LAMA3: variants seen among roughly 807,000 people sequenced by gnomAD.
LAMA3 encodes laminin subunit alpha 3, also known as laminin subunit alpha-3.
In LAMA3, 281 loss-of-function variants were observed where a neutral mutation model predicts 402.0. That is an observed-to-expected ratio of 0.70 (90% CI 0.63 to 0.77). The LOEUF is 0.77. LAMA3 is among the 30% of genes least tolerant of loss of function. The pLI, the probability that LAMA3 is intolerant of heterozygous loss-of-function variation, is 0.00. For synonymous variants in LAMA3, 1,431 were observed against 1,558.4 expected (o/e 0.92, Z 1.93); for missense variants, 3,840 against 4,215.5 (o/e 0.91, Z 2.47).
At chr18:23,837,209 G>T in intron 25 of LAMA3, 120 bp downstream of exon 25, 1 of 719,644 alleles carries the variant, frequency 1.4e-6, no homozygotes. Context: ...AGAATTGCCA[G>T]TTTAATGTTT....
At chr18:23,912,331 T>C (rs2081460409) in intron 55 of LAMA3, among the ~76,000 whole-genome samples, 1 of 151,886 alleles carries the variant, frequency 6.6e-6, no homozygotes, top group Non-Finnish European at 1.5e-5. Context: ...ACATGTCTGA[T>C]TGTATGCCAG....
intron 1 of LAMA3, among the ~76,000 whole-genome samples, chr18:23,700,398 G>A (rs997679272): frequency 6.6e-6 from 1 of 152,112 alleles, no homozygotes; most frequent in African/African-American, 2.4e-5. Context: ...GAAAAATTGG[G>A]CTTTAAGACT....
At chr18:23,924,543 C>CTT (rs66546657) in intron 62 of LAMA3, among the ~76,000 whole-genome samples, 9 of 89,092 alleles carry the variant, frequency 1.0e-4, no homozygotes, top group African/African-American at 2.1e-4. Context: ...CTTTTTTTTT[C>CTT]TTTTTTTTTT....
intron 8 of LAMA3, among the ~76,000 whole-genome samples, chr18:23,766,288 T>G (rs1309858904): frequency 6.6e-6 from 1 of 152,070 alleles, no homozygotes; most frequent in Non-Finnish European, 1.5e-5. Context: ...ATCTTTAAAG[T>G]GCTAAAAGAA....
rs576458027 is a variant in LAMA3, at chr18:23,952,147, A to C, written c.9736+370A>C. Reference sequence around the variant, plus strand: ...TCCCTTTCCCTGTGTGACCTTGGACAAGTTGCTTAATTGTTCTTTACCTTC... The same window carrying C: ...TCCCTTTCCCTGTGTGACCTTGGACCAGTTGCTTAATTGTTCTTTACCTTC... On this transcript the variant is annotated intron_variant, in intron 73 of 74. Transcript: ENST00000313654. Among the ~76,000 whole-genome samples the C allele has an allele frequency of 3.9e-5, 6 of 152,322 alleles. 1 individual carries two copies. In the South Asian group the frequency reaches 1.2e-3, roughly 32 times the overall value.
At chr18:23,854,758 C>T (rs568435122) in intron 32 of LAMA3, among the ~76,000 whole-genome samples, 15 of 150,782 alleles carry the variant, frequency 9.9e-5, no homozygotes, top group Admixed American at 4.0e-4. Flanking sequence ...GCCAAGGAGG[C>T]GGATCACGAG....
chr18:23,938,194 T>C (rs2082369807), intron 67 of LAMA3, among the ~76,000 whole-genome samples: 2 of 152,182 alleles, frequency 1.3e-5, no homozygotes, highest in African/African-American at 2.4e-5. Context: ...AGCCCCGCCT[T>C]CAGCTTCCTC....
chr18:23,884,325 A>G (rs911040902), intron 40 of LAMA3, among the ~76,000 whole-genome samples: 6 of 152,124 alleles, frequency 3.9e-5, no homozygotes, highest in East Asian at 3.9e-4. Flanking sequence ...CTCCCCACCA[A>G]CTTTTCTTCC....
chr18:23,925,513 GACTAAGT>G (rs1214733140), intron 62 of LAMA3, among the ~76,000 whole-genome samples: 1 of 152,084 alleles, frequency 6.6e-6, no homozygotes, highest in Non-Finnish European at 1.5e-5. Flanking sequence ...ATTGAACATC[GACTAAGT>G]ACCCAACACC....
At position 23,846,470 on chromosome 18, in the gene LAMA3, G is replaced by A. The variant is rs749229551; in HGVS notation, c.3893G>A (p.Arg1298His). ...QPNVIGRQCT[R>H]CATGHYGFPR... is the part of the protein sequence containing the mutation. ...AACGTCATCGGGCGGCAGTGCACCC[G>A]CTGTGCAACAGGCCACTACGGATTC... Residue 1298 changes from arginine to histidine, a missense_variant, in exon 31 of 75, where the codon CGC becomes CAC. By Grantham distance (29) the Arg-to-His change is conservative. Around this residue, in one of 3 missense-constraint regions of LAMA3, gnomAD observed 2,109 missense variants for 2,376.0 expected, o/e 0.89. Coordinates refer to ENST00000313654, the MANE Select transcript of LAMA3 (RefSeq NM_198129.4). 7.4e-6 allele frequency: 12 copies of A among 1,612,444 alleles called. No homozygotes were observed. The highest frequency in any genetic ancestry group is 3.3e-5 in the Admixed American group (2 of 60,012).
At chr18:23,719,586 A>G (rs1295724335) in intron 2 of LAMA3, among the ~76,000 whole-genome samples, 1 of 152,128 alleles carries the variant, frequency 6.6e-6, no homozygotes, top group Non-Finnish European at 1.5e-5. Flanking sequence ...TTCATCACAG[A>G]CAGTGAACTC....
intron 46 of LAMA3, 88 bp downstream of exon 46, chr18:23,899,153 A>T (rs2080980333): frequency 1.5e-6 from 2 of 1,301,572 alleles, no homozygotes; most frequent in Non-Finnish European, 2.2e-6. Context: ...AGATTTCAAC[A>T]TTATGAAAAG....
chr18:23,811,709 G>A (rs1234784770), intron 13 of LAMA3, among the ~76,000 whole-genome samples: 1 of 152,004 alleles, frequency 6.6e-6, no homozygotes, highest in Admixed American at 6.6e-5. Flanking sequence ...AAAAATGCAG[G>A]GAACAGGAGA....
chr18:23,880,306 T>G (rs750110201), intron 39 of LAMA3, among the ~76,000 whole-genome samples: 1 of 152,222 alleles, frequency 6.6e-6, no homozygotes, highest in Non-Finnish European at 1.5e-5. Context: ...GTGAGCAGCA[T>G]CCTACTTTAA....
chr18:23,807,690 C>T (rs1178667517), intron 12 of LAMA3, among the ~76,000 whole-genome samples: 1 of 152,152 alleles, frequency 6.6e-6, no homozygotes, highest in African/African-American at 2.4e-5. Context: ...CTGTCTTTTT[C>T]TCTTAAGGCC....
At chr18:23,899,690 A>G (rs770147824) in intron 47 of LAMA3, 1 of 445,840 alleles carries the variant, frequency 2.2e-6, no homozygotes, top group Non-Finnish European at 4.1e-6. Flanking sequence ...AGTTCTTCTA[A>G]AAGTTAGATA....
rs908641070 is a variant in LAMA3 at position 23,879,741 on chromosome 18, G to A, written c.5113-2195G>A. On this transcript the variant is annotated intron_variant, in intron 39 of 74. Coordinates refer to ENST00000313654, the MANE Select transcript of LAMA3 (RefSeq NM_198129.4). This position sits in a 1 kb window ranked among gnomAD's most constrained non-coding sequence, Gnocchi z 4.2. ...TGCAGGACTGAGGACAGTTTCCAGG[G>A]TGGCCACTCTCAACTGACAGTGAAG... is the stretch of plus-strand genomic sequence containing the variant. Among the ~76,000 whole-genome samples, 4 of 152,186 alleles carry A rather than the reference G, an allele frequency of 2.6e-5. No individual in the cohort carries two copies. The highest frequency in any genetic ancestry group is 9.6e-5 in the African/African-American group (4 of 41,452).
At chr18:23,937,162 T>TC (rs1271579210) in intron 67 of LAMA3, among the ~76,000 whole-genome samples, 1 of 151,906 alleles carries the variant, frequency 6.6e-6, no homozygotes, top group Non-Finnish European at 1.5e-5. Context: ...GGTCAGGAGT[T>TC]CAAGACCAGC....
chr18:23,753,921 A>T, intron 6 of LAMA3, 109 bp downstream of exon 6: 1 of 767,868 alleles, frequency 1.3e-6, no homozygotes, highest in Non-Finnish European at 2.3e-6. Context: ...CTCAATAGGA[A>T]TGATTCAGGA....
Sources: gnomAD v4.1 joint callset for allele counts (sites outside exome capture counted in the v4.1 genomes callset) on GRCh38, gnomAD v4.1.1 for gene constraint, gnomAD v4.1.1 regional missense constraint, Gnocchi (gnomAD v3.1) non-coding constraint, MANE v1.5 for transcripts, NCBI Gene and HGNC (gene_info 2026-07-23, HGNC 2026-07-21) for gene names.